STK3: variants seen among roughly 807,000 people sequenced by gnomAD.
STK3 encodes the protein serine/threonine kinase 3.
In STK3, 41 loss-of-function variants were observed where a neutral mutation model predicts 58.0. That is an observed-to-expected ratio of 0.71 (90% CI 0.55 to 0.92). The LOEUF (loss-of-function observed/expected upper bound fraction) is 0.92. Ranked by LOEUF, STK3 falls within the 40% of genes least tolerant of loss-of-function variation. STK3 has a pLI of 0.00. For missense variants in STK3, 479 were observed against 602.7 expected (o/e 0.79, Z 2.15); for synonymous variants, 170 against 191.0 (o/e 0.89, Z 0.91).
At chr8:98,598,944 C>T in intron 6 of STK3, 1 of 975,728 alleles carries the variant, frequency 1.0e-6, no homozygotes, top group South Asian at 4.7e-5. Flanking sequence ...CCTGAAATGT[C>T]ATGCCTTAGA....
chr8:98,895,095 C>T (rs1406164725), intron 1 of STK3, among the ~76,000 whole-genome samples: 1 of 152,134 alleles, frequency 6.6e-6, no homozygotes, highest in African/African-American at 2.4e-5. Flanking sequence ...GAAGATCATT[C>T]TTCACGCCTG....
intron 7 of STK3, among the ~76,000 whole-genome samples, chr8:98,582,298 C>T (rs965693473): frequency 3.8e-4 from 57 of 151,822 alleles, no homozygotes; most frequent in Middle Eastern, 3.4e-3. Context: ...TTTATAAAAC[C>T]CTTCATATAA....
At chr8:98,798,410 T>G (rs1426486951) in intron 1 of STK3, among the ~76,000 whole-genome samples, 1 of 152,160 alleles carries the variant, frequency 6.6e-6, no homozygotes, top group Non-Finnish European at 1.5e-5. Flanking sequence ...TTTTAACACC[T>G]CAGAATATCA....
intron 2 of STK3, among the ~76,000 whole-genome samples, chr8:98,771,052 G>A (rs1478561068): frequency 6.6e-6 from 1 of 152,156 alleles, no homozygotes; most frequent in Non-Finnish European, 1.5e-5. Flanking sequence ...CTGTTTTAAA[G>A]TGTATGATTC....
chr8:98,486,478 C>T (rs988943870), intron 10 of STK3, among the ~76,000 whole-genome samples: 1 of 152,128 alleles, frequency 6.6e-6, no homozygotes, highest in African/African-American at 2.4e-5. Context: ...CAATGAAGTT[C>T]CACAGAGGTG....
At chr8:98,486,428 G>T (rs559374472) in intron 10 of STK3, among the ~76,000 whole-genome samples, 2 of 152,362 alleles carry the variant, frequency 1.3e-5, no homozygotes, top group South Asian at 4.1e-4. Context: ...TAAGGTGTGT[G>T]TAAAGCCACT....
intron 6 of STK3, among the ~76,000 whole-genome samples, chr8:98,627,914 T>C (rs912267722): frequency 6.6e-6 from 1 of 152,232 alleles, no homozygotes; most frequent in African/African-American, 2.4e-5. Context: ...GGGTATCTAA[T>C]TGTGCCAGCA....
chr8:98,477,733 C>A (rs1821487993), intron 10 of STK3, among the ~76,000 whole-genome samples: 1 of 50,410 alleles, frequency 2.0e-5, no homozygotes, highest in Non-Finnish European at 4.0e-5. Context: ...GGGGGGGGCC[C>A]TAATGAAGGC....
intron 6 of STK3, among the ~76,000 whole-genome samples, chr8:98,686,594 T>G (rs1824016344): frequency 6.6e-6 from 1 of 152,088 alleles, no homozygotes; most frequent in African/African-American, 2.4e-5. Flanking sequence ...CAGAATGAAA[T>G]GTATGAAATA....
chr8:98,584,246 C>T (rs1814243890), intron 7 of STK3, among the ~76,000 whole-genome samples: 1 of 151,850 alleles, frequency 6.6e-6, no homozygotes, highest in Admixed American at 6.6e-5. Flanking sequence ...TATCCCTCCC[C>T]CTTCCCCCCA....
intron 3 of STK3, among the ~76,000 whole-genome samples, chr8:98,752,413 A>C (rs1830042079): frequency 6.6e-6 from 1 of 152,230 alleles, no homozygotes; most frequent in African/African-American, 2.4e-5. Context: ...CGGAAGATTG[A>C]AACTGGACCC....
At chr8:98,398,615 C>A (rs1030550285), downstream of STK3, among the ~76,000 whole-genome samples, 4 of 152,182 alleles carry the variant, frequency 2.6e-5, no homozygotes, top group African/African-American at 9.7e-5. Flanking sequence ...CTCCTCAGTG[C>A]ACTGAGATGA....
chr8:98,911,979 T>C (rs1305012127), intron 1 of STK3, among the ~76,000 whole-genome samples: 1 of 152,240 alleles, frequency 6.6e-6, no homozygotes, highest in Non-Finnish European at 1.5e-5. Flanking sequence ...AATTTGTCTA[T>C]ACAACATTAT....
At chr8:98,524,560 C>T (rs1198037413) in intron 10 of STK3, among the ~76,000 whole-genome samples, 1 of 152,038 alleles carries the variant, frequency 6.6e-6, no homozygotes, top group Non-Finnish European at 1.5e-5. Context: ...AGTCTTTTAC[C>T]TACTTGGTTA....
intron 3 of STK3, among the ~76,000 whole-genome samples, chr8:98,865,334 A>T (rs1189118231): frequency 6.6e-6 from 1 of 152,110 alleles, no homozygotes; most frequent in East Asian, 1.9e-4. Context: ...TCCCAACATA[A>T]GCAATCCAAA....
At chr8:98,597,158 T>G (rs941667407) in intron 6 of STK3, 83 of 493,032 alleles carry the variant, frequency 1.7e-4, no homozygotes, top group Non-Finnish European at 2.2e-4. Flanking sequence ...TGCAAGGCAC[T>G]CAGGTATTTT....
chr8:98,756,115 C>A (rs1334522717), intron 3 of STK3, among the ~76,000 whole-genome samples: 1 of 151,786 alleles, frequency 6.6e-6, no homozygotes, highest in Non-Finnish European at 1.5e-5. Flanking sequence ...TGCACTCCTG[C>A]CTGGCAGAAG....
intron 1 of STK3, among the ~76,000 whole-genome samples, chr8:98,824,285 C>T (rs1316217102): frequency 6.6e-6 from 1 of 152,236 alleles, no homozygotes; most frequent in Admixed American, 6.5e-5. Context: ...CTGCCCCTGA[C>T]TCCTCCAGGT....
At chr8:98,924,955 C>CA (rs749042808) in intron 1 of STK3, among the ~76,000 whole-genome samples, 2 of 152,104 alleles carry the variant, frequency 1.3e-5, no homozygotes, top group African/African-American at 2.4e-5. Flanking sequence ...AGGGAGAGGA[C>CA]AAAATCCTCT....
Sources: allele counts gnomAD v4.1 joint callset (sites outside exome capture counted in the v4.1 genomes callset), GRCh38; gene constraint gnomAD v4.1.1; transcripts MANE v1.5; gene names NCBI Gene and HGNC (gene_info 2026-07-23, HGNC 2026-07-21).